ELMO1: variants seen among roughly 807,000 people sequenced by gnomAD.
The protein encoded by ELMO1 is engulfment and cell motility 1, also known as engulfment and cell motility protein 1.
ELMO1 carries 26 observed loss-of-function variants against 98.9 expected under a neutral mutation model. The observed-to-expected ratio is 0.26, with a 90% CI of 0.19 to 0.36. ELMO1 has a LOEUF of 0.36. ELMO1 is among the 10% of genes least tolerant of loss of function. ELMO1 has a pLI of 1.00. For synonymous variants in ELMO1, 346 were observed against 346.0 expected (o/e 1.00, Z 0.00); for missense variants, 627 against 935.2 (o/e 0.67, Z 4.30).
At chr7:37,326,961 G>A (rs566264412) in intron 2 of ELMO1, among the ~76,000 whole-genome samples, 1 of 152,190 alleles carries the variant, frequency 6.6e-6, no homozygotes, top group East Asian at 1.9e-4. Flanking sequence ...AATCTTTTGT[G>A]ATTCTCCTAG....
chr7:37,073,743 G>A (rs1291195072), intron 15 of ELMO1, among the ~76,000 whole-genome samples: 1 of 151,888 alleles, frequency 6.6e-6, no homozygotes, highest in African/African-American at 2.4e-5. Context: ...ATACCACCAT[G>A]TCCAGGTAAT....
intron 16 of ELMO1, among the ~76,000 whole-genome samples, chr7:36,982,538 C>T (rs575958652): frequency 1.2e-4 from 18 of 152,248 alleles, no homozygotes; most frequent in African/African-American, 4.3e-4. Flanking sequence ...CCCTGTAGTA[C>T]ATTTTTTGTA....
chr7:37,145,319 A>G (rs922352354), intron 13 of ELMO1, among the ~76,000 whole-genome samples: 1 of 152,254 alleles, frequency 6.6e-6, no homozygotes, highest in Non-Finnish European at 1.5e-5. Context: ...TGCAGCTTCT[A>G]TATTATATCA....
In ELMO1 at chr7:37,244,495, T is replaced by C. The variant is rs925108235; in HGVS notation, c.414-104A>G. 3 of 1,172,642 alleles carry C rather than the reference T, an allele frequency of 2.6e-6. No homozygotes were observed. In the African/African-American group the frequency reaches 4.6e-5, roughly 18 times the overall value. The allele number at this position is 1,172,642 out of a possible 1,614,324, so 72.6% of individuals were successfully genotyped here. A position where few individuals can be genotyped will look rare whatever the true frequency, so the allele number is the denominator to read the frequency against. On this transcript the variant is annotated intron_variant, in intron 6 of 21. Coordinates refer to ENST00000310758, the MANE Select transcript of ELMO1 (RefSeq NM_014800.11). ...AACTCAGGATTAGATTTAGGACAGA[T>C]TTAACTGCCATGAAGTAAAAGAATT...
chr7:37,028,036 CTTTT>C (rs34796028), intron 15 of ELMO1, among the ~76,000 whole-genome samples: 1 of 146,444 alleles, frequency 6.8e-6, no homozygotes, highest in Admixed American at 6.8e-5. Context: ...CGAGAACTGT[CTTTT>C]TTTTTTTTAA....
intron 4 of ELMO1, among the ~76,000 whole-genome samples, chr7:37,287,891 T>C (rs72624209): frequency 0.064 from 9,673 of 152,280 alleles, 366 homozygotes; most frequent in South Asian, 0.13. Flanking sequence ...GGCTGTTTCT[T>C]TTCCTACAAT....
chr7:37,053,312 A>C (rs1796216063), intron 15 of ELMO1, among the ~76,000 whole-genome samples: 1 of 151,868 alleles, frequency 6.6e-6, no homozygotes, highest in Admixed American at 6.6e-5. Context: ...ACACACACAC[A>C]CACACACACA....
intron 15 of ELMO1, among the ~76,000 whole-genome samples, chr7:37,073,607 T>C (rs1193274954): frequency 6.6e-6 from 1 of 151,908 alleles, no homozygotes; most frequent in African/African-American, 2.4e-5. Flanking sequence ...TGTTTTTTTT[T>C]TTCCTTAGAG....
intron 1 of ELMO1, chr7:37,375,910 A>G (rs1033309424): frequency 3.0e-6 from 2 of 657,042 alleles, no homozygotes; most frequent in African/African-American, 1.8e-5. Flanking sequence ...GTGCAGACAT[A>G]GTGCTGCTGT....
At chr7:36,861,783 T>C (rs1584264028) in intron 20 of ELMO1, 47 bp from the exon 21 acceptor site, 1 of 1,590,774 alleles carries the variant, frequency 6.3e-7, no homozygotes, top group Non-Finnish European at 8.6e-7. Context: ...ATCGGCACAT[T>C]TCATTTTGCA....
rs537236709 is a variant in ELMO1 at position 36,911,254 on chromosome 7, G to A, written c.1438-16237C>T. Among the ~76,000 whole-genome samples, 18 of 152,124 alleles carry A rather than the reference G, an allele frequency of 1.2e-4. No homozygotes were observed. In the East Asian group the frequency reaches 1.5e-3, roughly 13 times the overall value. The stretch of plus-strand genomic sequence containing the variant: ...TTCAAGATCAATGCGTCCTTTCCTC[G>A]CTGCCCCACCTAAAGAATAAAAAAT... On this transcript the variant is annotated intron_variant, in intron 16 of 21. Coordinates refer to ENST00000310758, the MANE Select transcript of ELMO1 (RefSeq NM_014800.11).
intron 13 of ELMO1, among the ~76,000 whole-genome samples, chr7:37,163,439 C>T (rs1326464190): frequency 6.6e-6 from 1 of 151,908 alleles, no homozygotes; most frequent in Non-Finnish European, 1.5e-5. Context: ...GTGTGCTGCA[C>T]CCACTAACTC....
chr7:36,978,607 G>A (rs973516424), intron 16 of ELMO1, among the ~76,000 whole-genome samples: 2 of 152,148 alleles, frequency 1.3e-5, no homozygotes, highest in Non-Finnish European at 2.9e-5. Context: ...AAAGATTTAT[G>A]GGCCATCTGC....
intron 4 of ELMO1, among the ~76,000 whole-genome samples, chr7:37,298,672 A>G (rs1177641041): frequency 2.6e-4 from 31 of 117,020 alleles, no homozygotes; most frequent in Admixed American, 7.7e-4. Context: ...CATGGTGTAT[A>G]TGTGCCACAT....
chr7:37,159,164 G>A (rs903844906), intron 13 of ELMO1, among the ~76,000 whole-genome samples: 31 of 152,152 alleles, frequency 2.0e-4, no homozygotes, highest in Non-Finnish European at 4.1e-4. Context: ...GGGTAGGGGG[G>A]CTGGCGGAGG....
intron 16 of ELMO1, among the ~76,000 whole-genome samples, chr7:36,934,011 G>C (rs759543286): frequency 6.6e-5 from 10 of 152,200 alleles, no homozygotes; most frequent in South Asian, 2.1e-4. Context: ...GCTGATACAG[G>C]CTCTCCCAGC....
intron 4 of ELMO1, among the ~76,000 whole-genome samples, chr7:37,275,381 T>C (rs189152282): frequency 7.9e-5 from 12 of 152,292 alleles, no homozygotes; most frequent in African/African-American, 2.6e-4. Flanking sequence ...CCAAGCAAGA[T>C]TGCTTTCAAG....
intron 16 of ELMO1, among the ~76,000 whole-genome samples, chr7:36,996,843 T>C (rs1792252587): frequency 6.6e-6 from 1 of 152,172 alleles, no homozygotes; most frequent in Non-Finnish European, 1.5e-5. Context: ...GTGCAAGGCA[T>C]GCTGGGCACT....
At chr7:37,012,942 A>G (rs1302290564) in intron 16 of ELMO1, among the ~76,000 whole-genome samples, 1 of 152,182 alleles carries the variant, frequency 6.6e-6, no homozygotes, top group Non-Finnish European at 1.5e-5. Context: ...AGGTGGAGGG[A>G]AGGCCCCTTC....
Sources: allele counts gnomAD v4.1 joint callset (sites outside exome capture counted in the v4.1 genomes callset), GRCh38; gene constraint gnomAD v4.1.1; transcripts MANE v1.5; gene names NCBI Gene and HGNC (gene_info 2026-07-23, HGNC 2026-07-21).